The following PARD3 variants were observed in gnomAD, a reference collection of about 807,000 sequenced individuals.
PARD3 encodes par-3 family cell polarity regulator.
In PARD3, 75 loss-of-function variants were observed where a neutral mutation model predicts 155.4. The observed-to-expected ratio is 0.48, with a 90% CI of 0.40 to 0.58. PARD3 has a LOEUF of 0.58. Among genes scored for constraint, PARD3 ranks in the 20% least tolerant of loss-of-function variants. The pLI is 0.00. For synonymous variants in PARD3, 576 were observed against 610.5 expected (o/e 0.94, Z 0.83); for missense variants, 1,642 against 1,721.7 (o/e 0.95, Z 0.82).
chr10:34,216,411 C>A (rs531794627), intron 22 of PARD3, among the ~76,000 whole-genome samples: 1 of 152,176 alleles, frequency 6.6e-6, no homozygotes, highest in Admixed American at 6.5e-5. Context: ...ACACTGCAAG[C>A]GGCTTAACCT....
chr10:34,439,710 G>A (rs2076368169), intron 5 of PARD3, among the ~76,000 whole-genome samples: 1 of 150,050 alleles, frequency 6.7e-6, no homozygotes, highest in Non-Finnish European at 1.5e-5. Context: ...ACCTGCCTCA[G>A]CCTCCCAAAG....
At chr10:34,712,830 T>C (rs145590329) in intron 1 of PARD3, among the ~76,000 whole-genome samples, 15 of 152,102 alleles carry the variant, frequency 9.9e-5, no homozygotes, top group Admixed American at 9.2e-4. Context: ...GCTCACTACC[T>C]GGGTGATGGA....
chr10:34,448,892 T>G (rs986044073), intron 5 of PARD3, among the ~76,000 whole-genome samples: 1 of 151,706 alleles, frequency 6.6e-6, no homozygotes, highest in Non-Finnish European at 1.5e-5. Flanking sequence ...CAAAATTATA[T>G]CTATGTAATG....
intron 2 of PARD3, among the ~76,000 whole-genome samples, chr10:34,561,801 AG>A (rs2134065424): frequency 1.3e-5 from 2 of 151,700 alleles, no homozygotes; most frequent in South Asian, 4.2e-4. Context: ...TACAGGCATG[AG>A]CCACTGCGCC....
chr10:34,798,785 C>G (rs1278560782), intron 1 of PARD3, among the ~76,000 whole-genome samples: 1 of 151,718 alleles, frequency 6.6e-6, no homozygotes, highest in Non-Finnish European at 1.5e-5. Flanking sequence ...GCTGGCTGAT[C>G]ATCTCAACTT....
At chr10:34,734,602 G>C (rs1483181467) in intron 1 of PARD3, among the ~76,000 whole-genome samples, 2 of 151,934 alleles carry the variant, frequency 1.3e-5, no homozygotes, top group African/African-American at 4.8e-5. Context: ...CCCATATGGG[G>C]CATTTTTAAA....
intron 22 of PARD3, among the ~76,000 whole-genome samples, chr10:34,186,769 A>G (rs1296439040): frequency 6.6e-6 from 1 of 151,876 alleles, no homozygotes; most frequent in Admixed American, 6.6e-5. Flanking sequence ...CTGCCCACAG[A>G]CCTTCTGGTG....
intron 2 of PARD3, among the ~76,000 whole-genome samples, chr10:34,585,468 T>C (rs189580712): frequency 6.6e-6 from 1 of 152,222 alleles, no homozygotes; most frequent in African/African-American, 2.4e-5. Context: ...TCTGCTAAAC[T>C]TCACCTGCTA....
intron 2 of PARD3, among the ~76,000 whole-genome samples, chr10:34,681,756 ATATATATATATATTTTTTTTTTTTT>A (rs1164655590): frequency 4.2e-4 from 8 of 18,920 alleles, no homozygotes; most frequent in African/African-American, 2.3e-3. Context: ...ATATATATAT[ATATATATATATATTTTTTTTTTTTT>A]TTTTTTTTTT....
chr10:34,347,311 CTGT>C (rs966377433), intron 15 of PARD3, among the ~76,000 whole-genome samples: 10 of 152,332 alleles, frequency 6.6e-5, no homozygotes, highest in African/African-American at 2.2e-4. Context: ...TGAACTGGAT[CTGT>C]TAGTAGAAAG....
intron 22 of PARD3, among the ~76,000 whole-genome samples, chr10:34,196,035 G>A (rs1252375953): frequency 1.3e-5 from 2 of 152,200 alleles, no homozygotes; most frequent in East Asian, 1.9e-4. Flanking sequence ...AATAGAATTG[G>A]TTTACTTTAA....
intron 1 of PARD3, among the ~76,000 whole-genome samples, chr10:34,792,748 A>C (rs1187364206): frequency 6.6e-6 from 1 of 152,218 alleles, no homozygotes; most frequent in Non-Finnish European, 1.5e-5. Flanking sequence ...GGCACTGCTC[A>C]TGCCTACAGG....
chr10:34,414,086 G>A (rs906564207), intron 5 of PARD3, among the ~76,000 whole-genome samples: 5 of 151,828 alleles, frequency 3.3e-5, no homozygotes, highest in South Asian at 2.1e-4. Context: ...TAGTCTCAGC[G>A]ACTCAGGAGG....
intron 2 of PARD3, among the ~76,000 whole-genome samples, chr10:34,670,357 T>C (rs17492254): frequency 0.28 from 42,020 of 152,270 alleles, 7,056 homozygotes; most frequent in Non-Finnish European, 0.38. Context: ...TGCACCACTA[T>C]GCTTCTGATT....
In PARD3 at chr10:34,369,419, G is replaced by A. The variant is rs58020478; in HGVS notation, c.1707+3079C>T. The stretch of plus-strand genomic sequence containing the variant: ...CCAAGACAATTCTTCTTCCAGTGTG[G>A]CCCAGGGAAGCCAAGATATTGGACG... On this transcript the variant is annotated intron_variant, in intron 12 of 24. Coordinates refer to ENST00000374788, the MANE Select transcript of PARD3 (RefSeq NM_001184785.2). 7.4e-3 allele frequency among the ~76,000 whole-genome samples: 1,125 copies of A among 151,830 alleles called. 17 individuals are homozygous for A. The highest frequency in any genetic ancestry group is 0.026 in the African/African-American group (1,067 of 41,384).
At chr10:34,164,061 T>G (rs1949407031) in intron 22 of PARD3, among the ~76,000 whole-genome samples, 1 of 152,148 alleles carries the variant, frequency 6.6e-6, no homozygotes, top group East Asian at 1.9e-4. Flanking sequence ...ACCACGCTCA[T>G]AGGTCTTGTG....
intron 22 of PARD3, among the ~76,000 whole-genome samples, chr10:34,255,774 A>G (rs893602206): frequency 6.6e-6 from 1 of 152,240 alleles, no homozygotes; most frequent in Non-Finnish European, 1.5e-5. Context: ...ACATGAAACT[A>G]AAGCAGTATT....
At chr10:34,268,273 G>T (rs1299099562) in intron 22 of PARD3, among the ~76,000 whole-genome samples, 1 of 151,966 alleles carries the variant, frequency 6.6e-6, no homozygotes, top group East Asian at 1.9e-4. Flanking sequence ...AAAAAGTCAG[G>T]AAACAACAGG....
At chr10:34,565,567 G>A (rs1430419715) in intron 2 of PARD3, among the ~76,000 whole-genome samples, 1 of 151,912 alleles carries the variant, frequency 6.6e-6, no homozygotes, top group African/African-American at 2.4e-5. Flanking sequence ...TACCCAGCCG[G>A]GACACTTTTA....
Sources: allele counts gnomAD v4.1 joint callset (sites outside exome capture counted in the v4.1 genomes callset), GRCh38; gene constraint gnomAD v4.1.1; transcripts MANE v1.5; gene names NCBI Gene and HGNC (gene_info 2026-07-23, HGNC 2026-07-21).